MYH1: variants seen among roughly 807,000 people sequenced by gnomAD.
MYH1 encodes the protein myosin heavy chain 1, also known as myosin-1.
A neutral mutation model predicts 225.6 loss-of-function variants in MYH1; 214 were observed. That is an observed-to-expected ratio of 0.95 (90% CI 0.85 to 1.06). The LOEUF (loss-of-function observed/expected upper bound fraction) is 1.06. Among genes scored for constraint, MYH1 ranks in the 50% least tolerant of loss-of-function variants. MYH1 has a pLI of 0.00. For missense variants in MYH1, 2,098 were observed against 2,344.2 expected (o/e 0.89, Z 2.17); for synonymous variants, 774 against 842.3 (o/e 0.92, Z 1.40).
intron 28 of MYH1, 144 bp downstream of exon 28, chr17:10,500,482 C>T (rs1597436725): frequency 1.7e-6 from 2 of 1,177,850 alleles, no homozygotes; most frequent in East Asian, 2.5e-5. Flanking sequence ...AACCTCATGC[C>T]AGTGGTCAAT....
Position 10,505,189 on chromosome 17 carries a change from C to T in MYH1, c.2409G>A (p.Val803=), listed in dbSNP as rs1336234490. The T allele has an allele frequency of 6.2e-7, 1 of 1,614,130 alleles. No individual in the cohort carries two copies. The highest frequency in any genetic ancestry group is 8.5e-7 in the Non-Finnish European group (1 of 1,180,030). Residue 803 remains valine, a synonymous_variant, in exon 21 of 40, where the codon GTG becomes GTA. Transcript: ENST00000226207. ...QAMCRGFLAR[V]EYQKMVERRE... is the part of the protein sequence containing the mutation. ...TTCTTTCCACCATTTTCTGGTACTCCACTCTTGCCAAGAACCCTCTGCACA... is the reference window on the plus strand; with the variant it reads ...TTCTTTCCACCATTTTCTGGTACTCTACTCTTGCCAAGAACCCTCTGCACA...
intron 29 of MYH1, 72 bp from the exon 30 acceptor site, chr17:10,498,894 C>T: frequency 3.1e-6 from 5 of 1,604,768 alleles, no homozygotes; most frequent in Non-Finnish European, 3.4e-6. Context: ...CTCCTATAGG[C>T]CACCAGAAGA....
intron 6 of MYH1, among the ~76,000 whole-genome samples, chr17:10,514,519 C>G (rs1177746952): frequency 6.6e-6 from 1 of 152,158 alleles, no homozygotes; most frequent in Non-Finnish European, 1.5e-5. Flanking sequence ...CAGACATTCT[C>G]TAAGTGGGCC....
chr17:10,493,489 C>A (rs1271747298), intron 39 of MYH1, among the ~76,000 whole-genome samples: 1 of 152,104 alleles, frequency 6.6e-6, no homozygotes, highest in Non-Finnish European at 1.5e-5. Flanking sequence ...GATTATTAAT[C>A]CAGATGAATC....
chr17:10,505,988 G>A (rs1013314204), intron 18 of MYH1, 24 bp downstream of exon 18: 2 of 1,614,106 alleles, frequency 1.2e-6, no homozygotes, highest in Non-Finnish European at 1.7e-6. Context: ...ACTGGAGCTT[G>A]TCTGGATATC....
intron 28 of MYH1, among the ~76,000 whole-genome samples, chr17:10,500,384 GTATGGATATATATACAAATATATA>G (rs1196963010): frequency 3.3e-5 from 5 of 150,066 alleles, no homozygotes; most frequent in Non-Finnish European, 7.4e-5. Context: ...ATATATGTAT[GTATGGATATATATACAAATATATA>G]TATGGATATA....
rs1226845475 is a variant in MYH1 at position 10,512,612 on chromosome 17, C to A, written c.1009-66G>T. On this transcript the variant is annotated intron_variant, in intron 11 of 39. Transcript: ENST00000226207. ...GAATTTATACTGTATCTTTTACACA[C>A]ATATAGATGGCTGTTATTGCCATTC... 1.9e-6 allele frequency: 3 copies of A among 1,611,388 alleles called. No homozygotes were observed. In the African/African-American group the frequency reaches 4.0e-5, roughly 22 times the overall value.
At chr17:10,500,502 A>C in intron 28 of MYH1, 124 bp downstream of exon 28, 1 of 1,414,002 alleles carries the variant, frequency 7.1e-7, no homozygotes. Flanking sequence ...TAATGTGTTC[A>C]TATTAGTGGG....
intron 16 of MYH1, 65 bp from the exon 17 acceptor site, chr17:10,508,021 T>TA: frequency 2.2e-6 from 3 of 1,357,944 alleles, no homozygotes; most frequent in Non-Finnish European, 3.1e-6. Context: ...TTTTTTTGTT[T>TA]TTTTTTGTTT....
chr17:10,500,975 A>G (rs1184795817), intron 27 of MYH1, 135 bp downstream of exon 27: 1 of 1,411,336 alleles, frequency 7.1e-7, no homozygotes, highest in Non-Finnish European at 9.6e-7. Flanking sequence ...TAACTACTTT[A>G]CTAAGTTGTA....
At position 10,507,927 on chromosome 17, in the gene MYH1, T is replaced by TAC. The variant is rs1221807260; in HGVS notation, c.1926_1927insGT (p.Lys643ValfsTer18). Reference sequence around the variant, plus strand: ...ACAGTCTGGAAAGAAGAACCCTTCTTCTTACCACCTTTCTTTCCACCGCCA... The same window carrying TAC: ...ACAGTCTGGAAAGAAGAACCCTTCTTACCTTACCACCTTTCTTTCCACCGCCA... On this transcript the variant is annotated frameshift_variant, in exon 17 of 40. Coordinates refer to ENST00000226207, the MANE Select transcript of MYH1 (RefSeq NM_005963.4). LOFTEE classifies it high-confidence loss of function. The TAC allele has an allele frequency of 3.7e-6, 6 of 1,613,706 alleles. 1 individual carries two copies. In the Admixed American group the frequency reaches 1.0e-4, roughly 27 times the overall value.
chr17:10,512,396 T>C lies in MYH1; in HGVS notation c.1147+12A>G. On this transcript the variant is annotated intron_variant, in intron 12 of 39. Transcript: ENST00000226207. The stretch of plus-strand genomic sequence containing the variant: ...TTCTCTCATTAAACCCAGATGGAGA[T>C]TCATTTGGTACCTTCAGTGCCATCT... 1 of 1,614,134 alleles carries C rather than the reference T, an allele frequency of 6.2e-7. No individual in the cohort carries two copies. The highest frequency in any genetic ancestry group is 8.5e-7 in the Non-Finnish European group (1 of 1,179,992).
intron 11 of MYH1, 49 bp downstream of exon 11, chr17:10,512,632 C>T: frequency 6.8e-6 from 11 of 1,610,810 alleles, no homozygotes; most frequent in Non-Finnish European, 9.3e-6. Context: ...GCTGTTATTG[C>T]CATTCCCATG....
Position 10,497,349 on chromosome 17 carries a change from T to A in MYH1, c.4469A>T (p.Asn1490Ile), listed in dbSNP as rs892249854. The A allele has an allele frequency of 6.2e-7, 1 of 1,613,308 alleles. No individual in the cohort carries two copies. The highest frequency in any genetic ancestry group is 8.5e-7 in the Non-Finnish European group (1 of 1,179,882). The change falls in exon 32 of 40, where the codon AAT (asparagine) becomes ATT (isoleucine). Residue 1490 changes from asparagine (N) to isoleucine (I), a missense_variant. Physicochemically the swap from Asn to Ile is moderately radical, Grantham distance 149 (BLOSUM62 -3). Transcript: ENST00000226207. ...SLSTELFKIK[N>I]AYEESLDQLE... ...TTGGTCTAAAGATTCCTCATAAGCA[T>A]TCTTAATCTTAAATAGTTCTGTGCT...
At chr17:10,505,644 C>A in intron 19 of MYH1, 133 bp from the exon 20 acceptor site, 1 of 1,367,034 alleles carries the variant, frequency 7.3e-7, no homozygotes, top group South Asian at 1.4e-5. Context: ...TTTATCTATC[C>A]TCTGTTTATT....
In MYH1 at chr17:10,508,043, G is replaced by A. The variant is rs1366140388; in HGVS notation, c.1898-87C>T. Reference sequence around the variant, plus strand: ...GTTTTTTTTTGTTTTTTTTGACGAAGTTTCACTCTTGGTTGCCCAGGCTGG... The same window carrying A: ...GTTTTTTTTTGTTTTTTTTGACGAAATTTCACTCTTGGTTGCCCAGGCTGG... On this transcript the variant is annotated intron_variant, in intron 16 of 39. Coordinates refer to ENST00000226207, the MANE Select transcript of MYH1 (RefSeq NM_005963.4). 1.3e-5 allele frequency: 15 copies of A among 1,168,212 alleles called. No homozygotes were observed. The South Asian group carries it at 1.7e-4, about 13-fold the overall frequency. The allele number at this position is 1,168,212 out of a possible 1,614,324, so 72.4% of individuals were successfully genotyped here.
chr17:10,501,526 G>A (rs752378247), intron 26 of MYH1, 27 bp from the exon 27 acceptor site: 17 of 1,613,996 alleles, frequency 1.1e-5, no homozygotes, highest in Middle Eastern at 1.6e-4. Context: ...ATATTAATAC[G>A]AACTCAACTT....
chr17:10,495,232 G>A lies in MYH1; in HGVS notation c.5255C>T (p.Ala1752Val). ...CTTGGCCTTCTCTTCTGCATTGCGG[G>A]CTTCCTGGATGATGTCTTCCATCTC... is the stretch of plus-strand genomic sequence containing the variant. ...QGEMEDIIQE[A>V]RNAEEKAKKA... The change falls in exon 36 of 40, where the codon GCC (alanine) becomes GTC (valine). Residue 1752 changes from alanine to valine, a missense_variant. Physicochemically the swap from Ala to Val is moderately conservative, Grantham distance 64. Transcript: ENST00000226207. The A allele has an allele frequency of 6.2e-7, 1 of 1,614,124 alleles. No individual in the cohort carries two copies. Among genetic ancestry groups the A allele is most frequent in the Non-Finnish European group, 8.5e-7 (1 of 1,180,034 alleles).
rs771338447 is a variant in MYH1 at position 10,511,886 on chromosome 17, G to T, written c.1369C>A (p.Gln457Lys). ...NQQLDTKQPR[Q>K]YFIGVLDIAG... Reference sequence around the variant, plus strand: ...ATGTCCAAGACCCCAATGAAGTACTGCCTGGGCTGCTTGGTGTCCAGCTGC... The same window carrying T: ...ATGTCCAAGACCCCAATGAAGTACTTCCTGGGCTGCTTGGTGTCCAGCTGC... Residue 457 changes from glutamine (Q) to lysine (K), a missense_variant, in exon 14 of 40, where the codon CAG becomes AAG. Coordinates refer to ENST00000226207, the MANE Select transcript of MYH1 (RefSeq NM_005963.4). 6.2e-7 allele frequency: 1 copy of T among 1,614,184 alleles called. No individual in the cohort carries two copies. Among genetic ancestry groups the T allele is most frequent in the Non-Finnish European group, 8.5e-7 (1 of 1,180,032 alleles).
Sources: allele counts gnomAD v4.1 joint callset (sites outside exome capture counted in the v4.1 genomes callset), GRCh38; gene constraint gnomAD v4.1.1; transcripts MANE v1.5; gene names NCBI Gene and HGNC (gene_info 2026-07-23, HGNC 2026-07-21).